Variants in PALLD observed in about 807,000 individuals in gnomAD.
PALLD encodes palladin.
Under a neutral mutation model 123.5 loss-of-function variants are expected in PALLD, and 61 were observed. The observed-to-expected ratio is 0.49, with a 90% CI of 0.40 to 0.61. The LOEUF (loss-of-function observed/expected upper bound fraction) is 0.61, where lower values mean the gene tolerates loss of function less well. PALLD is among the 20% of genes least tolerant of loss of function. The pLI, the probability that PALLD is intolerant of heterozygous loss-of-function variation, is 0.00. For missense variants in PALLD, 1,273 were observed against 1,377.0 expected (o/e 0.92, Z 1.20); for synonymous variants, 465 against 496.4 (o/e 0.94, Z 0.84).
chr4:168,680,707 G>C (rs938460072), intron 3 of PALLD, among the ~76,000 whole-genome samples: 1 of 152,100 alleles, frequency 6.6e-6, no homozygotes, highest in East Asian at 1.9e-4. Flanking sequence ...AATATACTTT[G>C]AACCATTGCA....
At chr4:168,789,672 C>G (rs557629685) in intron 10 of PALLD, among the ~76,000 whole-genome samples, 1 of 150,650 alleles carries the variant, frequency 6.6e-6, no homozygotes, top group African/African-American at 2.4e-5. Context: ...CCACTGCATT[C>G]CAGCCTGGCA....
intron 10 of PALLD, among the ~76,000 whole-genome samples, chr4:168,774,688 A>C (rs1002864579): frequency 7.1e-6 from 1 of 140,726 alleles, no homozygotes; most frequent in Admixed American, 7.9e-5. Flanking sequence ...AGATCATGCC[A>C]CTGCACTCCA....
chr4:168,810,140 C>G (rs921444135), intron 10 of PALLD, among the ~76,000 whole-genome samples: 3 of 150,146 alleles, frequency 2.0e-5, no homozygotes, highest in African/African-American at 7.4e-5. Flanking sequence ...GAGGAAGAAG[C>G]AAGATCGTAA....
At chr4:168,579,138 G>A (rs774794335) in intron 2 of PALLD, among the ~76,000 whole-genome samples, 3 of 152,146 alleles carry the variant, frequency 2.0e-5, no homozygotes, top group Non-Finnish European at 4.4e-5. Flanking sequence ...TCCCTAGAAA[G>A]TCCTAGTAAA....
At chr4:168,629,022 T>G (rs1775565502) in intron 2 of PALLD, among the ~76,000 whole-genome samples, 1 of 151,468 alleles carries the variant, frequency 6.6e-6, no homozygotes, top group East Asian at 1.9e-4. Flanking sequence ...ATAGTATTTT[T>G]TTTTTTTTTT....
intron 10 of PALLD, chr4:168,832,087 C>A (rs530498178): frequency 1.3e-5 from 13 of 967,948 alleles, no homozygotes; most frequent in Non-Finnish European, 1.6e-5. Context: ...ACCTGCCCCG[C>A]GCCCGGTCCG....
intron 2 of PALLD, among the ~76,000 whole-genome samples, chr4:168,555,518 T>A (rs1447252546): frequency 6.6e-6 from 1 of 152,182 alleles, no homozygotes; most frequent in African/African-American, 2.4e-5. Flanking sequence ...CTGGGTTCTA[T>A]CCAGAGCAGC....
chr4:168,568,838 C>A (rs920551485), intron 2 of PALLD, among the ~76,000 whole-genome samples: 1 of 150,430 alleles, frequency 6.6e-6, no homozygotes, highest in Admixed American at 6.6e-5. Context: ...TAAAATAGTA[C>A]CATGGAATGC....
At chr4:168,777,436 G>T (rs1235851347) in intron 10 of PALLD, among the ~76,000 whole-genome samples, 1 of 152,136 alleles carries the variant, frequency 6.6e-6, no homozygotes, top group Non-Finnish European at 1.5e-5. Context: ...GGGAGACGGG[G>T]TTTAGGAAGT....
At chr4:168,641,925 G>A (rs982218448) in intron 2 of PALLD, among the ~76,000 whole-genome samples, 1 of 152,184 alleles carries the variant, frequency 6.6e-6, no homozygotes, top group Non-Finnish European at 1.5e-5. Flanking sequence ...ACTCCAGGAG[G>A]CGGATAGATG....
intron 2 of PALLD, among the ~76,000 whole-genome samples, chr4:168,623,185 A>G (rs1244927667): frequency 1.3e-5 from 2 of 152,144 alleles, no homozygotes; most frequent in Non-Finnish European, 2.9e-5. Flanking sequence ...TTTATTGGGG[A>G]TACCTGCTCT....
chr4:168,498,635 A>G (rs1761006929), intron 1 of PALLD, among the ~76,000 whole-genome samples: 2 of 152,214 alleles, frequency 1.3e-5, no homozygotes, highest in African/African-American at 4.8e-5. Context: ...GGCCATCTAG[A>G]GTTAATGACT....
chr4:168,564,603 T>A (rs977406334), intron 2 of PALLD, among the ~76,000 whole-genome samples: 6 of 152,192 alleles, frequency 3.9e-5, no homozygotes, highest in African/African-American at 1.4e-4. Flanking sequence ...AATTCTTGAC[T>A]GAGACTAATG....
intron 21 of PALLD, 138 bp from the exon 22 acceptor site, chr4:168,926,075 C>G: frequency 4.5e-6 from 3 of 666,680 alleles, no homozygotes; most frequent in Non-Finnish European, 7.1e-6. Flanking sequence ...AAAAGTGTTC[C>G]TAAATTTTCC....
intron 15 of PALLD, among the ~76,000 whole-genome samples, chr4:168,910,051 C>G (rs1490862187): frequency 3.9e-5 from 6 of 151,964 alleles, no homozygotes; most frequent in African/African-American, 1.2e-4. Flanking sequence ...AGGTTGGTAT[C>G]AGAATAGAGA....
At chr4:168,544,474 G>A (rs1390070632) in intron 2 of PALLD, among the ~76,000 whole-genome samples, 1 of 152,138 alleles carries the variant, frequency 6.6e-6, no homozygotes, top group Non-Finnish European at 1.5e-5. Flanking sequence ...AACTTCCCAG[G>A]ATCTACTAGG....
intron 10 of PALLD, among the ~76,000 whole-genome samples, chr4:168,754,629 G>GATAAAAAC (rs1731522620): frequency 6.6e-6 from 1 of 152,126 alleles, no homozygotes; most frequent in African/African-American, 2.4e-5. Context: ...TGTGATTTTA[G>GATAAAAAC]ATAAAAACAG....
chr4:168,584,019 G>A (rs567387092), intron 2 of PALLD, among the ~76,000 whole-genome samples: 11 of 152,232 alleles, frequency 7.2e-5, no homozygotes, highest in African/African-American at 2.4e-4. Flanking sequence ...AACTCTGTGC[G>A]TGGGTGCATA....
At chr4:168,589,213 C>G (rs1428675298) in intron 2 of PALLD, among the ~76,000 whole-genome samples, 1 of 152,204 alleles carries the variant, frequency 6.6e-6, no homozygotes, top group Non-Finnish European at 1.5e-5. Flanking sequence ...AAAGTTATCA[C>G]TCTGATCCAC....
Sources: gnomAD v4.1 joint callset for allele counts (sites outside exome capture counted in the v4.1 genomes callset) on GRCh38, gnomAD v4.1.1 for gene constraint, MANE v1.5 for transcripts, NCBI Gene and HGNC (gene_info 2026-07-23, HGNC 2026-07-21) for gene names.